The following PPP1R12A variants were observed in gnomAD, a reference collection of about 807,000 sequenced individuals.
PPP1R12A encodes the protein myosin binding subunit.
Under a neutral mutation model 139.6 loss-of-function variants are expected in PPP1R12A, and 19 were observed. The ratio of observed to expected loss-of-function variants is 0.14; its 90% CI spans 0.09 to 0.20. The LOEUF (loss-of-function observed/expected upper bound fraction) is 0.20. PPP1R12A is among the 10% of genes least tolerant of loss of function. PPP1R12A has a pLI of 1.00. For missense variants in PPP1R12A, 925 were observed against 1,211.5 expected (o/e 0.76, Z 3.51); for synonymous variants, 427 against 420.6 (o/e 1.02, Z -0.19).
At chr12:79,869,723 A>G (rs956515678) in intron 2 of PPP1R12A, among the ~76,000 whole-genome samples, 1 of 152,126 alleles carries the variant, frequency 6.6e-6, no homozygotes, top group African/African-American at 2.4e-5. Flanking sequence ...TTAGGAAGAA[A>G]CTAGATCTTT....
Position 79,838,172 on chromosome 12 carries a change from G to T in PPP1R12A, c.488-5681C>A, listed in dbSNP as rs138222408. On this transcript the variant is annotated intron_variant, in intron 3 of 24. Transcript: ENST00000450142. ...GGTCTCAGATGGAGATGAGAAACTTGTTGGGAACTAAAGCAAAGGTCACTC... is the reference window on the plus strand; with the variant it reads ...GGTCTCAGATGGAGATGAGAAACTTTTTGGGAACTAAAGCAAAGGTCACTC... Among the ~76,000 whole-genome samples the T allele has an allele frequency of 5.4e-3, 827 of 152,310 alleles. 7 individuals are homozygous for T. Among genetic ancestry groups the T allele is most frequent in the African/African-American group, 0.019 (787 of 41,570 alleles).
At chr12:79,911,869 T>C (rs932448539) in intron 1 of PPP1R12A, among the ~76,000 whole-genome samples, 2 of 152,278 alleles carry the variant, frequency 1.3e-5, no homozygotes, top group Non-Finnish European at 2.9e-5. Flanking sequence ...CAGCCGTCTC[T>C]TAAAAATGCA....
At chr12:79,821,730 G>A (rs1368810001) in intron 6 of PPP1R12A, among the ~76,000 whole-genome samples, 3 of 148,946 alleles carry the variant, frequency 2.0e-5, no homozygotes. Flanking sequence ...TCTAGCCTGG[G>A]ACAGAGTGAG....
In PPP1R12A at chr12:79,788,677, C is replaced by G. The variant is rs772786142; in HGVS notation, c.2773G>C (p.Glu925Gln). ...TTAAAGTCAGTTGAGTCATCCTTTT[C>G]TAGCCTGCTGCTGTAAGGTTTTCTT... is the stretch of plus-strand genomic sequence containing the variant. Reference protein sequence around the residue: ...EERKPYSSRLEKDDSTDFKKL... With the variant: ...EERKPYSSRLQKDDSTDFKKL... The change falls in exon 21 of 25, where the codon GAA (glutamate) becomes CAA (glutamine). Residue 925 changes from glutamate (E) to glutamine (Q), a missense_variant. Physicochemically the swap from Glu to Gln is conservative, Grantham distance 29 (BLOSUM62 2). Around this residue, in one of 4 missense-constraint regions of PPP1R12A, gnomAD observed 315 missense variants for 363.4 expected, o/e 0.87. Coordinates refer to ENST00000450142, the MANE Select transcript of PPP1R12A (RefSeq NM_002480.3). 3.7e-6 allele frequency: 6 copies of G among 1,612,780 alleles called. No homozygotes were observed. The highest frequency in any genetic ancestry group is 5.1e-6 in the Non-Finnish European group (6 of 1,179,296).
chr12:79,809,911 C>T lies in PPP1R12A; in HGVS notation c.1339G>A (p.Gly447Ser). 1 of 1,613,510 alleles carries T rather than the reference C, an allele frequency of 6.2e-7. No individual in the cohort carries two copies. Among genetic ancestry groups the T allele is most frequent in the Non-Finnish European group, 8.5e-7 (1 of 1,179,632 alleles). The change falls in exon 10 of 25, where the codon GGT becomes AGT. Residue 447 changes from glycine (G) to serine (S), a missense_variant. By Grantham distance (56) the Gly-to-Ser change is moderately conservative (BLOSUM62 0). Transcript: ENST00000450142. ...RLGLRKTGSY[G>S]ALAEITASKE... ...GATGCTGTGATTTCAGCAAGTGCAC[C>T]ATAGCTGCCCGTCTTTCTAAGTCCT...
intron 24 of PPP1R12A, chr12:79,777,347 A>G: frequency 1.0e-6 from 1 of 980,564 alleles, no homozygotes; most frequent in Non-Finnish European, 1.2e-6. Context: ...ATCAATTGCA[A>G]TATACAATTA....
At chr12:79,823,321 C>A (rs1172867327) in intron 5 of PPP1R12A, among the ~76,000 whole-genome samples, 1 of 151,892 alleles carries the variant, frequency 6.6e-6, no homozygotes, top group Non-Finnish European at 1.5e-5. Context: ...AAATATAATT[C>A]TGAAAGAAAG....
intron 22 of PPP1R12A, among the ~76,000 whole-genome samples, chr12:79,785,674 A>G (rs1418739584): frequency 6.6e-6 from 1 of 152,208 alleles, no homozygotes; most frequent in African/African-American, 2.4e-5. Flanking sequence ...TTTAGCATAT[A>G]AATAGACCCT....
rs535716020 is a variant in PPP1R12A at position 79,841,277 on chromosome 12, C to T, written c.487+4025G>A. 7.8e-4 allele frequency among the ~76,000 whole-genome samples: 119 copies of T among 152,304 alleles called. 1 individual carries two copies. In the South Asian group the frequency reaches 0.024, roughly 31 times the overall value. On this transcript the variant is annotated intron_variant, in intron 3 of 24. Coordinates refer to ENST00000450142, the MANE Select transcript of PPP1R12A (RefSeq NM_002480.3). ...TTTGATACCCCGCCTTTTCTGTCCACCAGTTCCTTTCTTTGCCAAGCCAAC... is the reference window on the plus strand; with the variant it reads ...TTTGATACCCCGCCTTTTCTGTCCATCAGTTCCTTTCTTTGCCAAGCCAAC...
chr12:79,821,292 A>T (rs1240815407), intron 6 of PPP1R12A, 126 bp from the exon 7 acceptor site: 2 of 640,824 alleles, frequency 3.1e-6, no homozygotes, highest in South Asian at 2.3e-5. Flanking sequence ...AGAAATAAAT[A>T]AATTAAGTTT....
In PPP1R12A at chr12:79,795,706, A is replaced by T. The variant is rs1872428296; in HGVS notation, c.2515T>A (p.Ser839Thr). The change falls in exon 18 of 25, where the codon TCA (serine) becomes ACA (threonine). Residue 839 changes from serine to threonine, a missense_variant. Around this residue, in one of 4 missense-constraint regions of PPP1R12A, gnomAD observed 315 missense variants for 363.4 expected, o/e 0.87. Transcript: ENST00000450142. ...CTTGGTCGTCGTCGTTCTCTGATTG[A>T]TTTAGGTTGTGATTTATCTTCTCCT... ...KEGEDKSQPKSIRERRRPREK... is the reference protein window; with the variant it reads ...KEGEDKSQPKTIRERRRPREK... 1.2e-6 allele frequency: 2 copies of T among 1,611,934 alleles called. No individual in the cohort carries two copies. Among genetic ancestry groups the T allele is most frequent in the South Asian group, 1.1e-5 (1 of 91,048 alleles).
intron 1 of PPP1R12A, among the ~76,000 whole-genome samples, chr12:79,879,311 G>A (rs1883408752): frequency 6.6e-6 from 1 of 152,034 alleles, no homozygotes; most frequent in Non-Finnish European, 1.5e-5. Flanking sequence ...AGGTTGCAGT[G>A]AGCCAAGATC....
At chr12:79,805,445 T>G in intron 14 of PPP1R12A, 147 bp downstream of exon 14, 1 of 601,954 alleles carries the variant, frequency 1.7e-6, no homozygotes, top group Non-Finnish European at 2.6e-6. Context: ...GTTGTATAAA[T>G]TTACATAGTT....
At chr12:79,815,652 TG>T (rs1355544364) in intron 9 of PPP1R12A, among the ~76,000 whole-genome samples, 1 of 152,046 alleles carries the variant, frequency 6.6e-6, no homozygotes. Context: ...AAGAAGTACA[TG>T]GGGGTCTTAG....
rs118058577 is a variant in PPP1R12A, at chr12:79,918,477, G to T, written c.237+16218C>A. ...CAATACTCTGCTGCTGACCTATACA[G>T]TAAGCACACAATATTTACTGCATGC... is the stretch of plus-strand genomic sequence containing the variant. On this transcript the variant is annotated intron_variant, in intron 1 of 24. Coordinates refer to ENST00000450142, the MANE Select transcript of PPP1R12A (RefSeq NM_002480.3). 2.2e-4 allele frequency among the ~76,000 whole-genome samples: 34 copies of T among 152,122 alleles called. No individual in the cohort carries two copies. In the East Asian group the frequency reaches 3.5e-3, roughly 16 times the overall value.
intron 22 of PPP1R12A, among the ~76,000 whole-genome samples, chr12:79,783,273 C>A (rs907807013): frequency 7.6e-6 from 1 of 131,066 alleles, no homozygotes; most frequent in Non-Finnish European, 1.6e-5. Context: ...GCCTGGGCAA[C>A]ACGGTGAAAC....
At chr12:79,841,662 TA>T (rs1261588739) in intron 3 of PPP1R12A, among the ~76,000 whole-genome samples, 1 of 152,170 alleles carries the variant, frequency 6.6e-6, no homozygotes, top group Non-Finnish European at 1.5e-5. Context: ...TAATATCAGA[TA>T]AAAAATAGGA....
intron 1 of PPP1R12A, among the ~76,000 whole-genome samples, chr12:79,883,008 G>A (rs540425645): frequency 2.8e-4 from 43 of 152,210 alleles, no homozygotes; most frequent in South Asian, 1.7e-3. Context: ...GTGGTGGCAC[G>A]CACCTATAAT....
intron 1 of PPP1R12A, 82 bp downstream of exon 1, chr12:79,934,613 G>A: frequency 4.0e-6 from 5 of 1,253,932 alleles, no homozygotes; most frequent in East Asian, 2.8e-5. Flanking sequence ...AGCCTCAAGA[G>A]GTGGAGAACT....
Sources: allele counts gnomAD v4.1 joint callset (sites outside exome capture counted in the v4.1 genomes callset), GRCh38; gene constraint gnomAD v4.1.1; regional missense constraint gnomAD v4.1.1; transcripts MANE v1.5; gene names NCBI Gene and HGNC (gene_info 2026-07-23, HGNC 2026-07-21).